The following PTPRT variants were observed in gnomAD, a reference collection of about 807,000 sequenced individuals.
PTPRT encodes the protein receptor-type tyrosine-protein phosphatase T.
A neutral mutation model predicts 176.8 loss-of-function variants in PTPRT; 56 were observed. The observed-to-expected ratio is 0.32, with a 90% CI of 0.26 to 0.40. PTPRT has a LOEUF of 0.40. Ranked by LOEUF, PTPRT falls within the 10% of genes least tolerant of loss-of-function variation. The probability of loss-of-function intolerance (pLI) is 1.00; values close to 1 mark genes in which losing one functional copy is unlikely to be tolerated. For missense variants in PTPRT, 1,540 were observed against 1,908.2 expected, an observed-to-expected ratio of 0.81 and a Z score of 3.60; for synonymous variants, 783 against 739.0, an observed-to-expected ratio of 1.06 and a Z score of -0.96.
chr20:42,548,858 C>T (rs574951130), intron 7 of PTPRT, among the ~76,000 whole-genome samples: 1 of 152,114 alleles, frequency 6.6e-6, no homozygotes, highest in South Asian at 2.1e-4. Context: ...GAGCATTGGA[C>T]TGATGCTCCA....
intron 15 of PTPRT, among the ~76,000 whole-genome samples, chr20:42,201,258 C>G (rs765034389): frequency 1.3e-5 from 2 of 152,142 alleles, no homozygotes; most frequent in African/African-American, 4.8e-5. Context: ...CGAGATCACG[C>G]CTCTGCACTC....
intron 7 of PTPRT, among the ~76,000 whole-genome samples, chr20:42,539,514 T>C (rs981202185): frequency 1.3e-5 from 2 of 151,912 alleles, no homozygotes; most frequent in Non-Finnish European, 2.9e-5. Flanking sequence ...CCCACTAGAC[T>C]TGTCTTAGTC....
chr20:42,692,147 A>G (rs2075803293), intron 6 of PTPRT, among the ~76,000 whole-genome samples: 1 of 152,204 alleles, frequency 6.6e-6, no homozygotes, highest in South Asian at 2.1e-4. Flanking sequence ...TATCACCTTT[A>G]CACAAATTAT....
the PTPRT span, among the ~76,000 whole-genome samples, chr20:42,053,882 AC>A: frequency 6.6e-6 from 1 of 152,194 alleles, no homozygotes; most frequent in African/African-American, 2.4e-5. Context: ...TGTGATTCAT[AC>A]GGTGATGTAC....
rs1406386334 is a variant in PTPRT at position 42,078,780 on chromosome 20, G to C, written c.*2099C>G. ...ACATTTCTTTGCCATTGCACATATGGATCCCTTTGCCTGAGTTTCCTTTTT... is the reference window on the plus strand; with the variant it reads ...ACATTTCTTTGCCATTGCACATATGCATCCCTTTGCCTGAGTTTCCTTTTT... On this transcript the variant is annotated 3_prime_UTR_variant, in exon 31 of 31. Transcript: ENST00000373187. 5.7e-6 allele frequency: 1 copy of C among 175,890 alleles called. No individual in the cohort carries two copies. The highest frequency in any genetic ancestry group is 1.2e-5 in the Non-Finnish European group (1 of 81,698). The allele number at this position is 175,890 out of a possible 1,614,324, so 10.9% of individuals were successfully genotyped here. A position where few individuals can be genotyped will look rare whatever the true frequency, so the allele number is the denominator to read the frequency against.
At chr20:42,152,719 T>C (rs568837865) in intron 17 of PTPRT, among the ~76,000 whole-genome samples, 1 of 152,306 alleles carries the variant, frequency 6.6e-6, no homozygotes, top group South Asian at 2.1e-4. Flanking sequence ...CCCGTCTCCA[T>C]GGTCATGCAT....
chr20:42,699,982 C>A (rs555358764), intron 6 of PTPRT, among the ~76,000 whole-genome samples: 4 of 152,128 alleles, frequency 2.6e-5, no homozygotes, highest in South Asian at 2.1e-4. Flanking sequence ...TCCTACCTAC[C>A]CATCTTTCCA....
chr20:42,351,605 A>C (rs1344621768), intron 10 of PTPRT, among the ~76,000 whole-genome samples: 1 of 152,214 alleles, frequency 6.6e-6, no homozygotes, highest in African/African-American at 2.4e-5. Flanking sequence ...ATAATTCTGC[A>C]TTGTTGCTGT....
intron 11 of PTPRT, among the ~76,000 whole-genome samples, chr20:42,318,640 A>G (rs1345943697): frequency 6.6e-6 from 1 of 152,202 alleles, no homozygotes; most frequent in Non-Finnish European, 1.5e-5. Context: ...GAAGGAACCA[A>G]TAGCCTCATC....
intron 7 of PTPRT, among the ~76,000 whole-genome samples, chr20:42,584,007 GAT>G (rs1207037431): frequency 3.3e-5 from 5 of 152,122 alleles, no homozygotes; most frequent in Non-Finnish European, 5.9e-5. Flanking sequence ...CCAGTTAACT[GAT>G]CTGGCTGAGC....
chr20:42,622,253 T>A (rs1177840760), intron 7 of PTPRT, among the ~76,000 whole-genome samples: 4 of 152,076 alleles, frequency 2.6e-5, no homozygotes, highest in African/African-American at 7.2e-5. Context: ...AAATTTTTTT[T>A]TTTTTTGAGA....
At chr20:42,846,922 T>G (rs1485750080) in intron 2 of PTPRT, among the ~76,000 whole-genome samples, 2 of 152,216 alleles carry the variant, frequency 1.3e-5, no homozygotes, top group Non-Finnish European at 2.9e-5. Flanking sequence ...ACAAGCCAGA[T>G]GCAAACTCTG....
intron 6 of PTPRT, among the ~76,000 whole-genome samples, chr20:42,741,825 G>A (rs957079571): frequency 2.0e-5 from 3 of 152,054 alleles, no homozygotes; most frequent in African/African-American, 7.2e-5. Flanking sequence ...CTAGATACGG[G>A]TCAATAACTG....
chr20:42,670,749 C>T (rs576362590), intron 7 of PTPRT, among the ~76,000 whole-genome samples: 51 of 152,226 alleles, frequency 3.4e-4, no homozygotes, highest in African/African-American at 6.7e-4. Context: ...GCAAGGGGGA[C>T]GGGCTAAGAT....
intron 1 of PTPRT, among the ~76,000 whole-genome samples, chr20:42,905,256 G>C (rs182738816): frequency 3.9e-5 from 6 of 152,234 alleles, no homozygotes; most frequent in Admixed American, 3.9e-4. Flanking sequence ...AGTGGCCAAA[G>C]GATATGGCCA....
At chr20:42,659,135 C>T (rs1248869134) in intron 7 of PTPRT, among the ~76,000 whole-genome samples, 4 of 151,908 alleles carry the variant, frequency 2.6e-5, no homozygotes, top group Non-Finnish European at 2.9e-5. Flanking sequence ...GACGTGAATA[C>T]CTGCCTTAAC....
At chr20:42,692,666 AAAAG>A (rs1484540018) in intron 6 of PTPRT, among the ~76,000 whole-genome samples, 1 of 152,192 alleles carries the variant, frequency 6.6e-6, no homozygotes, top group Non-Finnish European at 1.5e-5. Context: ...TGAGGCAAGA[AAAAG>A]AAATAAAAGA....
chr20:42,926,197 A>G lies in PTPRT; in HGVS notation c.89-40265T>C, dbSNP rs139717759. Among the ~76,000 whole-genome samples, 384 of 152,216 alleles carry G rather than the reference A, an allele frequency of 2.5e-3. 1 individual carries two copies. Among genetic ancestry groups the G allele is most frequent in the African/African-American group, 8.8e-3 (364 of 41,546 alleles). On this transcript the variant is annotated intron_variant, in intron 1 of 30. Transcript: ENST00000373187. Reference sequence around the variant, plus strand: ...AGGCTCTGCACCTGCCTGAGGGGTCATTTCTGGTGGGCCCTCTCTCCCTGA... The same window carrying G: ...AGGCTCTGCACCTGCCTGAGGGGTCGTTTCTGGTGGGCCCTCTCTCCCTGA...
At chr20:42,110,071 G>C (rs1051087125) in intron 23 of PTPRT, among the ~76,000 whole-genome samples, 4 of 145,406 alleles carry the variant, frequency 2.8e-5, no homozygotes, top group African/African-American at 1.0e-4. Flanking sequence ...TTTTGAGACA[G>C]AGTCTCGCTC....
Sources: gnomAD v4.1 joint callset for allele counts (sites outside exome capture counted in the v4.1 genomes callset) on GRCh38, gnomAD v4.1.1 for gene constraint, MANE v1.5 for transcripts, NCBI Gene and HGNC (gene_info 2026-07-23, HGNC 2026-07-21) for gene names.